The following DUSP1 variants were observed in gnomAD, a reference collection of about 807,000 sequenced individuals.
DUSP1 encodes the protein dual specificity phosphatase 1.
A neutral mutation model predicts 27.4 loss-of-function variants in DUSP1; 10 were observed. The ratio of observed to expected loss-of-function variants is 0.37; its 90% CI spans 0.23 to 0.62. The LOEUF (loss-of-function observed/expected upper bound fraction) is 0.62, where lower values mean the gene tolerates loss of function less well. Among genes scored for constraint, DUSP1 ranks in the 20% least tolerant of loss-of-function variants. DUSP1 has a pLI of 0.68. For synonymous variants in DUSP1, 262 were observed against 223.6 expected, an observed-to-expected ratio of 1.17 and a Z score of -1.53; for missense variants, 425 against 508.1, an observed-to-expected ratio of 0.84 and a Z score of 1.57.
At position 172,768,184 on chromosome 5, in the gene DUSP1, T is replaced by TTTCAGGTCATAAATAATCAG. The variant is rs200042284; in HGVS notation, c.*558_*577dup. ...TCTTCTTAGAAGAAGAAATATATTA[T>TTTCAGGTCATAAATAATCAG]TTCAGGTCATAAATAATCAGCAAAC... On this transcript the variant is annotated 3_prime_UTR_variant, in exon 4 of 4. Transcript: ENST00000239223. The TTTCAGGTCATAAATAATCAG allele has an allele frequency of 8.7e-3, 1,322 of 152,748 alleles. 13 individuals carry two copies. The highest frequency in any genetic ancestry group is 0.017 in the Middle Eastern group (5 of 294). 9.5% of individuals were successfully genotyped at this position (152,748 alleles called of 1,614,324 possible). A position where few individuals can be genotyped will look rare whatever the true frequency, so the allele number is the denominator to read the frequency against.
intron 1 of DUSP1, 109 bp from the exon 2 acceptor site, chr5:172,770,415 G>A: frequency 6.4e-7 from 1 of 1,561,008 alleles, no homozygotes; most frequent in Non-Finnish European, 8.6e-7. Flanking sequence ...GAAAGGCCCA[G>A]GCAAGTCTTT....
chr5:172,771,122 C>G lies in DUSP1; in HGVS notation c.-170G>C, dbSNP rs1759890226. 1.1e-6 allele frequency: 1 copy of G among 942,220 alleles called. No individual in the cohort carries two copies. The highest frequency in any genetic ancestry group is 1.4e-6 in the Non-Finnish European group (1 of 706,428). The allele number at this position is 942,220 out of a possible 1,614,324, so 58.4% of individuals were successfully genotyped here. A position where few individuals can be genotyped will look rare whatever the true frequency, so the allele number is the denominator to read the frequency against. On this transcript the variant is annotated 5_prime_UTR_variant, in exon 1 of 4. Transcript: ENST00000239223. The stretch of plus-strand genomic sequence containing the variant: ...GAGGAGCGTCACGCGGGGCTCCGGG[C>G]TCCTCGGCTTCTTCGCGGTTCCCCC...
Position 172,769,806 on chromosome 5 carries a change from A to C in DUSP1, c.514-12T>G. 6.2e-7 allele frequency: 1 copy of C among 1,612,092 alleles called. No individual in the cohort carries two copies. The highest frequency in any genetic ancestry group is 8.5e-7 in the Non-Finnish European group (1 of 1,179,218). On this transcript the variant is annotated splice_polypyrimidine_tract_variant and intron_variant, in intron 2 of 3. Coordinates refer to ENST00000239223, the MANE Select transcript of DUSP1 (RefSeq NM_004417.4). ...TCCACCGGGCCACCCTGAAATCCAG[A>C]AATATCCAACATTCATCAAGCTTGC...
chr5:172,770,720 C>T lies in DUSP1; in HGVS notation c.233G>A (p.Gly78Asp). 7.1e-7 allele frequency: 1 copy of T among 1,406,706 alleles called. No homozygotes were observed. The highest frequency in any genetic ancestry group is 9.2e-7 in the Non-Finnish European group (1 of 1,082,852). The allele number at this position is 1,406,706 out of a possible 1,614,324, so 87.1% of individuals were successfully genotyped here. The change falls in exon 1 of 4, where the codon GGC (glycine) becomes GAC (aspartate). Residue 78 changes from glycine (G) to aspartate (D), a missense_variant. Gly to Asp is a moderately conservative substitution (Grantham distance 94). Transcript: ENST00000239223. ...CAGCAACACCACGGCGTGGTAGGCG[C>T]CGGCCAGCAGGCGGCCGCGGAGCTC... is the stretch of plus-strand genomic sequence containing the variant. Reference protein sequence around the residue: ...NAELRGRLLAGAYHAVVLLDE... With the variant: ...NAELRGRLLADAYHAVVLLDE...
Position 172,769,596 on chromosome 5 carries a change from T to C in DUSP1, c.712A>G (p.Asn238Asp), listed in dbSNP as rs773069826. The change falls in exon 3 of 4, where the codon AAC becomes GAC. Residue 238 changes from asparagine to aspartate, a missense_variant. By Grantham distance (23) the Asn-to-Asp change is conservative. Around this residue, in one of 3 missense-constraint regions of DUSP1, gnomAD observed 59 missense variants for 108.4 expected, o/e 0.54. Transcript: ENST00000239223. ...NHKADISSWF[N>D]EAIDFIDSIK... ...TTACCTATGAAGTCAATGGCCTCGTTGAACCAGGAGCTGATGTCTGCCTTG... is the reference window on the plus strand; with the variant it reads ...TTACCTATGAAGTCAATGGCCTCGTCGAACCAGGAGCTGATGTCTGCCTTG... 1 of 1,614,250 alleles carries C rather than the reference T, an allele frequency of 6.2e-7. No homozygotes were observed. The highest frequency in any genetic ancestry group is 1.7e-5 in the Admixed American group (1 of 60,034).
chr5:172,770,703 C>G lies in DUSP1; in HGVS notation c.250G>C (p.Val84Leu). The change falls in exon 1 of 4, where the codon GTG (valine) becomes CTG (leucine). Residue 84 changes from valine (V) to leucine (L), a missense_variant. Coordinates refer to ENST00000239223, the MANE Select transcript of DUSP1 (RefSeq NM_004417.4). Reference protein sequence around the residue: ...RLLAGAYHAVVLLDERSAALD... With the variant: ...RLLAGAYHAVLLLDERSAALD... The stretch of plus-strand genomic sequence containing the variant: ...GCGGCGCTGCGCTCGTCCAGCAACA[C>G]CACGGCGTGGTAGGCGCCGGCCAGC... The G allele has an allele frequency of 7.2e-7, 1 of 1,390,706 alleles. No individual in the cohort carries two copies. Among genetic ancestry groups the G allele is most frequent in the South Asian group, 1.5e-5 (1 of 65,444 alleles). The allele number at this position is 1,390,706 out of a possible 1,614,324, so 86.1% of individuals were successfully genotyped here.
At position 172,770,262 on chromosome 5, in the gene DUSP1, T is replaced by C. The variant is rs534725380; in HGVS notation, c.412A>G (p.Lys138Glu). ...CTGAGCCCCATGGGGGTCGACTGTT[T>C]GCTGCACAGCTCCGGGCAGGAAGCC... Reference protein sequence around the residue: ...FSASCPELCSKQSTPMGLSLP... With the variant: ...FSASCPELCSEQSTPMGLSLP... Residue 138 changes from lysine (K) to glutamate (E), a missense_variant, in exon 2 of 4, where the codon AAA (lysine) becomes GAA (glutamate). Coordinates refer to ENST00000239223, the MANE Select transcript of DUSP1 (RefSeq NM_004417.4). 1.2e-6 allele frequency: 2 copies of C among 1,611,210 alleles called. No homozygotes were observed. Among genetic ancestry groups the C allele is most frequent in the Non-Finnish European group, 8.5e-7 (1 of 1,179,078 alleles).
chr5:172,770,001 C>T (rs1759858662), intron 2 of DUSP1, among the ~76,000 whole-genome samples, 160 bp downstream of exon 2: 1 of 152,256 alleles, frequency 6.6e-6, no homozygotes, highest in South Asian at 2.1e-4. Context: ...CAATTGGAGA[C>T]TCGGCTCCGT....
In DUSP1 at chr5:172,768,948, C is replaced by T; in HGVS notation, c.918G>A (p.Leu306=). ...SPNFSFMGQL[L]QFESQVLAPH... ...GAGCCAGCACCTGGGACTCAAACTG[C>T]AGCAGCTGGCCCATGAAGCTGAAGT... The change falls in exon 4 of 4, where the codon CTG becomes CTA. Residue 306 remains leucine, a synonymous_variant. Transcript: ENST00000239223. 6.2e-7 allele frequency: 1 copy of T among 1,614,224 alleles called. No individual in the cohort carries two copies. Among genetic ancestry groups the T allele is most frequent in the Non-Finnish European group, 8.5e-7 (1 of 1,180,036 alleles).
rs750908444 is a variant in DUSP1 at position 172,769,654 on chromosome 5, G to A, written c.654C>T (p.Tyr218=). The A allele has an allele frequency of 2.5e-6, 4 of 1,614,250 alleles. No individual in the cohort carries two copies. Among genetic ancestry groups the A allele is most frequent in the Non-Finnish European group, 1.7e-6 (2 of 1,180,052 alleles). The part of the protein sequence containing the change: ...ANCPNHFEGH[Y]QYKSIPVEDN... ...CCTCCACAGGGATGCTCTTGTACTGGTAGTGACCCTCAAAATGGTTGGGAC... is the reference window on the plus strand; with the variant it reads ...CCTCCACAGGGATGCTCTTGTACTGATAGTGACCCTCAAAATGGTTGGGAC... The change falls in exon 3 of 4, where the codon TAC becomes TAT. Residue 218 remains tyrosine (Y), a synonymous_variant. Coordinates refer to ENST00000239223, the MANE Select transcript of DUSP1 (RefSeq NM_004417.4).
chr5:172,771,118 C>T lies in DUSP1; in HGVS notation c.-166G>A, dbSNP rs1759890174. On this transcript the variant is annotated 5_prime_UTR_variant, in exon 1 of 4. Coordinates refer to ENST00000239223, the MANE Select transcript of DUSP1 (RefSeq NM_004417.4). ...GAGAGAGGAGCGTCACGCGGGGCTC[C>T]GGGCTCCTCGGCTTCTTCGCGGTTC... is the stretch of plus-strand genomic sequence containing the variant. 1.0e-6 allele frequency: 1 copy of T among 963,816 alleles called. No homozygotes were observed. The highest frequency in any genetic ancestry group is 1.4e-6 in the Non-Finnish European group (1 of 725,880). The allele number at this position is 963,816 out of a possible 1,614,324, so 59.7% of individuals were successfully genotyped here.
rs1250367401 is a variant in DUSP1 at position 172,770,909 on chromosome 5, G to C, written c.44C>G (p.Ala15Gly). The C allele has an allele frequency of 1.3e-6, 2 of 1,534,606 alleles. No individual in the cohort carries two copies. Among genetic ancestry groups the C allele is most frequent in the Non-Finnish European group, 1.7e-6 (2 of 1,147,498 alleles). ...VGTLDAGGLR[A>G]LLGERAAQCL... ...TTGCGCCGCTCGCTCCCCCAGCAGC[G>C]CCCGCAGGCCTCCAGCGTCCAGGGT... The change falls in exon 1 of 4, where the codon GCG (alanine) becomes GGG (glycine). Residue 15 changes from alanine to glycine, a missense_variant. Physicochemically the swap from Ala to Gly is moderately conservative, Grantham distance 60 (BLOSUM62 0). Coordinates refer to ENST00000239223, the MANE Select transcript of DUSP1 (RefSeq NM_004417.4).
intron 1 of DUSP1, 101 bp downstream of exon 1, chr5:172,770,485 A>G (rs1759870449): frequency 6.7e-7 from 1 of 1,486,376 alleles, no homozygotes; most frequent in Non-Finnish European, 8.8e-7. Flanking sequence ...TCCAGCGCCC[A>G]CGCGCTGCAG....
chr5:172,770,708 G>C lies in DUSP1; in HGVS notation c.245C>G (p.Ala82Gly). 7.2e-7 allele frequency: 1 copy of C among 1,394,916 alleles called. No homozygotes were observed. The highest frequency in any genetic ancestry group is 9.3e-7 in the Non-Finnish European group (1 of 1,076,964). 86.4% of individuals were successfully genotyped at this position (1,394,916 alleles called of 1,614,324 possible). ...GCTGCGCTCGTCCAGCAACACCACGGCGTGGTAGGCGCCGGCCAGCAGGCG... is the reference window on the plus strand; with the variant it reads ...GCTGCGCTCGTCCAGCAACACCACGCCGTGGTAGGCGCCGGCCAGCAGGCG... Reference protein sequence around the residue: ...RGRLLAGAYHAVVLLDERSAA... With the variant: ...RGRLLAGAYHGVVLLDERSAA... The change falls in exon 1 of 4, where the codon GCC becomes GGC. Residue 82 changes from alanine to glycine, a missense_variant. By Grantham distance (60) the Ala-to-Gly change is moderately conservative. Transcript: ENST00000239223.
rs1418124068 is a variant in DUSP1, at chr5:172,770,146, G to A, written c.513+15C>T. The A allele has an allele frequency of 1.3e-6, 2 of 1,551,094 alleles. No individual in the cohort carries two copies. The highest frequency in any genetic ancestry group is 1.7e-6 in the Non-Finnish European group (2 of 1,152,956). On this transcript the variant is annotated intron_variant, in intron 2 of 3. Transcript: ENST00000239223. The stretch of plus-strand genomic sequence containing the variant: ...CAGTTCTTACTTCTTCCCTGTGGCA[G>A]GGACACCTACTAACCTGATCGTAGA...
intron 1 of DUSP1, 37 bp downstream of exon 1, chr5:172,770,549 G>T: frequency 7.0e-7 from 1 of 1,426,944 alleles, no homozygotes; most frequent in Non-Finnish European, 9.1e-7. Context: ...AAACCTCAGG[G>T]GTGTGCGGCC....
Position 172,770,662 on chromosome 5 carries a change from C to G in DUSP1, c.291G>C (p.Lys97Asn). ...CCGCCAGGGCCAGGGTGCCGTCGCG[C>G]TTGGCGCCGTCCAGGGCGGCGCTGC... The part of the protein sequence containing the change: ...DERSAALDGA[K>N]RDGTLALAAG... Residue 97 changes from lysine (K) to asparagine (N), a missense_variant, in exon 1 of 4, where the codon AAG becomes AAC. Physicochemically the swap from Lys to Asn is moderately conservative, Grantham distance 94 (BLOSUM62 0). Around this residue, in one of 3 missense-constraint regions of DUSP1, gnomAD observed 282 missense variants for 319.3 expected, o/e 0.88. Coordinates refer to ENST00000239223, the MANE Select transcript of DUSP1 (RefSeq NM_004417.4). The G allele has an allele frequency of 1.5e-6, 2 of 1,311,650 alleles. No homozygotes were observed. Among genetic ancestry groups the G allele is most frequent in the Non-Finnish European group, 1.9e-6 (2 of 1,035,498 alleles). 81.3% of individuals were successfully genotyped at this position (1,311,650 alleles called of 1,614,324 possible).
Position 172,768,847 on chromosome 5 carries a change from T to G in DUSP1, c.1019A>C (p.Asn340Thr). Residue 340 changes from asparagine to threonine, a missense_variant, in exon 4 of 4, where the codon AAC becomes ACC. Around this residue, in one of 3 missense-constraint regions of DUSP1, gnomAD observed 84 missense variants for 80.5 expected, o/e 1.04. Transcript: ENST00000239223. ...GTGGACAGGGATGGAGACGGGGAAGTTGAACACGGTGGTGGTGGAGGTGCC... is the reference window on the plus strand; with the variant it reads ...GTGGACAGGGATGGAGACGGGGAAGGTGAACACGGTGGTGGTGGAGGTGCC... The part of the protein sequence containing the change: ...DRGTSTTTVF[N>T]FPVSIPVHST... 1 of 1,602,202 alleles carries G rather than the reference T, an allele frequency of 6.2e-7. No homozygotes were observed. The highest frequency in any genetic ancestry group is 8.5e-7 in the Non-Finnish European group (1 of 1,173,184).
chr5:172,770,963 A>G lies in DUSP1; in HGVS notation c.-11T>C. The G allele has an allele frequency of 2.0e-6, 3 of 1,464,470 alleles. No homozygotes were observed. Among genetic ancestry groups the G allele is most frequent in the Admixed American group, 2.4e-5 (1 of 42,024 alleles). 90.7% of individuals were successfully genotyped at this position (1,464,470 alleles called of 1,614,324 possible). On this transcript the variant is annotated 5_prime_UTR_variant, in exon 1 of 4. Transcript: ENST00000239223. ...CACTTCCATGACCATGGCCGGCCTC[A>G]GCGCCCCCAGCGTGATCGGCCCTGC... is the stretch of plus-strand genomic sequence containing the variant.
Sources: gnomAD v4.1 joint callset for allele counts (sites outside exome capture counted in the v4.1 genomes callset) on GRCh38, gnomAD v4.1.1 for gene constraint, gnomAD v4.1.1 regional missense constraint, MANE v1.5 for transcripts, NCBI Gene and HGNC (gene_info 2026-07-23, HGNC 2026-07-21) for gene names.